The following GABRB1 variants were observed in gnomAD, a reference collection of about 807,000 sequenced individuals.
The protein encoded by GABRB1 is gamma-aminobutyric acid type A receptor subunit beta1.
Under a neutral mutation model 51.6 loss-of-function variants are expected in GABRB1, and 17 were observed. The observed-to-expected ratio is 0.33, with a 90% CI of 0.23 to 0.49. The LOEUF (loss-of-function observed/expected upper bound fraction) is 0.49. GABRB1 is among the 20% of genes least tolerant of loss of function. The pLI, the probability that GABRB1 is intolerant of heterozygous loss-of-function variation, is 0.99. For synonymous variants in GABRB1, 247 were observed against 218.9 expected (o/e 1.13, Z -1.14); for missense variants, 410 against 600.6 (o/e 0.68, Z 3.32).
At chr4:47,038,169 C>T (rs1250617281) in intron 3 of GABRB1, among the ~76,000 whole-genome samples, 2 of 152,168 alleles carry the variant, frequency 1.3e-5, no homozygotes, top group Admixed American at 6.5e-5. Flanking sequence ...ACCATATTCT[C>T]CTGGTAGGTG....
At chr4:47,272,451 T>C (rs181107425) in intron 4 of GABRB1, among the ~76,000 whole-genome samples, 38 of 152,290 alleles carry the variant, frequency 2.5e-4, no homozygotes, top group Admixed American at 2.1e-3. Flanking sequence ...TATGAAAAAG[T>C]TCAAGATAAG....
intron 3 of GABRB1, among the ~76,000 whole-genome samples, chr4:47,150,225 T>C (rs13124195): frequency 1.8e-4 from 19 of 103,230 alleles, no homozygotes; most frequent in African/African-American, 6.1e-4. Context: ...ACGCACACAG[T>C]TATTTCATTT....
At chr4:47,217,319 T>C (rs1280212253) in intron 4 of GABRB1, among the ~76,000 whole-genome samples, 1 of 151,854 alleles carries the variant, frequency 6.6e-6, no homozygotes, top group African/African-American at 2.4e-5. Context: ...TTTTCATGTC[T>C]GATACATGTA....
At chr4:47,048,885 T>G (rs1360539598) in intron 3 of GABRB1, among the ~76,000 whole-genome samples, 2 of 152,072 alleles carry the variant, frequency 1.3e-5, no homozygotes, top group Non-Finnish European at 2.9e-5. Context: ...AACAGATCTT[T>G]TATTATTTCT....
At chr4:47,297,619 G>A in intron 4 of GABRB1, among the ~76,000 whole-genome samples, 1 of 152,112 alleles carries the variant, frequency 6.6e-6, no homozygotes, top group Non-Finnish European at 1.5e-5. Flanking sequence ...ATAATCAATA[G>A]CTTACCAACC....
intron 4 of GABRB1, among the ~76,000 whole-genome samples, chr4:47,165,316 T>C (rs1384717961): frequency 6.6e-6 from 1 of 152,010 alleles, no homozygotes; most frequent in Non-Finnish European, 1.5e-5. Context: ...TATCTACCTC[T>C]CCAGCCCTTC....
intron 5 of GABRB1, among the ~76,000 whole-genome samples, chr4:47,357,400 G>T (rs1203601963): frequency 6.6e-6 from 1 of 152,152 alleles, no homozygotes; most frequent in Non-Finnish European, 1.5e-5. Flanking sequence ...GGTGAATGTT[G>T]GTCATTTTTG....
At chr4:47,243,858 A>T (rs750174567) in intron 4 of GABRB1, among the ~76,000 whole-genome samples, 5 of 152,190 alleles carry the variant, frequency 3.3e-5, no homozygotes, top group Non-Finnish European at 5.9e-5. Context: ...CTCTTTTCCT[A>T]ATTGAATGCC....
At chr4:47,090,464 C>A (rs1728246753) in intron 3 of GABRB1, among the ~76,000 whole-genome samples, 1 of 152,104 alleles carries the variant, frequency 6.6e-6, no homozygotes. Flanking sequence ...TTAAACACTG[C>A]AATGAGATCT....
intron 4 of GABRB1, among the ~76,000 whole-genome samples, chr4:47,199,141 T>C (rs1347587519): frequency 7.2e-5 from 11 of 152,146 alleles, no homozygotes; most frequent in Admixed American, 6.6e-5. Context: ...TTGCTGTTTA[T>C]AGTAAAATGT....
intron 4 of GABRB1, among the ~76,000 whole-genome samples, chr4:47,299,984 G>T (rs913023434): frequency 4.0e-5 from 6 of 151,110 alleles, no homozygotes; most frequent in Admixed American, 4.0e-4. Flanking sequence ...GTAAACTATC[G>T]CAAGGACAAA....
At chr4:47,319,045 A>G (rs1724979277) in intron 4 of GABRB1, among the ~76,000 whole-genome samples, 1 of 152,108 alleles carries the variant, frequency 6.6e-6, no homozygotes, top group Non-Finnish European at 1.5e-5. Flanking sequence ...TTAACGATGC[A>G]TCATGAATTT....
At chr4:47,155,940 T>TATATATATATATATAC (rs1367516975) in intron 3 of GABRB1, among the ~76,000 whole-genome samples, 1 of 142,146 alleles carries the variant, frequency 7.0e-6, no homozygotes, top group African/African-American at 2.5e-5. Flanking sequence ...TATATATATA[T>TATATATATATATATAC]ATATATGAAA....
At chr4:47,259,896 T>C (rs1313895794) in intron 4 of GABRB1, among the ~76,000 whole-genome samples, 1 of 152,190 alleles carries the variant, frequency 6.6e-6, no homozygotes, top group Non-Finnish European at 1.5e-5. Context: ...GCTTTCTGTC[T>C]CGTTGATCTG....
At chr4:47,264,306 G>C (rs1387076560) in intron 4 of GABRB1, among the ~76,000 whole-genome samples, 1 of 152,148 alleles carries the variant, frequency 6.6e-6, no homozygotes, top group Non-Finnish European at 1.5e-5. Flanking sequence ...AGCATTCAAA[G>C]GCTAGAAGAG....
intron 4 of GABRB1, among the ~76,000 whole-genome samples, chr4:47,183,672 C>A (rs990468878): frequency 1.3e-5 from 2 of 151,758 alleles, no homozygotes; most frequent in Non-Finnish European, 2.9e-5. Context: ...TTACTCCCCT[C>A]TTTCTACATC....
At chr4:47,405,602 G>A (rs187832257) in intron 7 of GABRB1, among the ~76,000 whole-genome samples, 4 of 152,208 alleles carry the variant, frequency 2.6e-5, no homozygotes, top group South Asian at 2.1e-4. Context: ...GTTATAAAAT[G>A]AGAATAACAT....
At chr4:47,330,898 A>G (rs1725456751) in intron 5 of GABRB1, among the ~76,000 whole-genome samples, 1 of 152,192 alleles carries the variant, frequency 6.6e-6, no homozygotes, top group African/African-American at 2.4e-5. Flanking sequence ...AAAGCCTTTA[A>G]ACCATTCTTA....
intron 3 of GABRB1, among the ~76,000 whole-genome samples, chr4:47,110,512 G>C (rs770095908): frequency 6.6e-6 from 1 of 152,022 alleles, no homozygotes; most frequent in African/African-American, 2.4e-5. Context: ...TCAAATCTTT[G>C]CTTAATCAAA....
Sources: allele counts gnomAD v4.1 joint callset (sites outside exome capture counted in the v4.1 genomes callset), GRCh38; gene constraint gnomAD v4.1.1; transcripts MANE v1.5; gene names NCBI Gene and HGNC (gene_info 2026-07-23, HGNC 2026-07-21).